NBPF15: variants seen among roughly 807,000 people sequenced by gnomAD.
The protein encoded by NBPF15 is NBPF family member NBPF15.
In NBPF15, 74 loss-of-function variants were observed where a neutral mutation model predicts 62.2. The ratio of observed to expected loss-of-function variants is 1.19; its 90% CI spans 0.99 to 1.44. NBPF15 has a LOEUF of 1.44. Among genes scored for constraint, NBPF15 ranks in the 40% most tolerant of loss-of-function variants. NBPF15 has a pLI of 0.00. For missense variants in NBPF15, 790 were observed against 550.0 expected (o/e 1.44, Z -4.36); for synonymous variants, 244 against 209.7 (o/e 1.16, Z -1.41).
At position 144,422,837 on chromosome 1, in the gene NBPF15, T is replaced by A; in HGVS notation, c.*176A>T. Reference sequence around the variant, plus strand: ...CGTGTCACACCTAACATGGGTCCATTGTCTTCAGATTGAGCACAGGTTGCC... The same window carrying A: ...CGTGTCACACCTAACATGGGTCCATAGTCTTCAGATTGAGCACAGGTTGCC... On this transcript the variant is annotated 3_prime_UTR_variant, in exon 22 of 22. Coordinates refer to ENST00000581897, the MANE Select transcript of NBPF15 (RefSeq NM_001385408.1). The A allele has an allele frequency of 1.3e-6, 2 of 1,503,146 alleles. No homozygotes were observed. The highest frequency in any genetic ancestry group is 1.8e-6 in the Non-Finnish European group (2 of 1,107,694). The allele number at this position is 1,503,146 out of a possible 1,614,324, so 93.1% of individuals were successfully genotyped here.
intron 11 of NBPF15, 117 bp from the exon 12 acceptor site, chr1:144,435,433 T>C: frequency 6.7e-7 from 1 of 1,487,834 alleles, no homozygotes; most frequent in Non-Finnish European, 9.3e-7. Context: ...GAAAGCAAAA[T>C]GGACGTTCCC....
chr1:144,434,093 A>C (rs1315867486), intron 12 of NBPF15, among the ~76,000 whole-genome samples: 12 of 148,276 alleles, frequency 8.1e-5, no homozygotes, highest in African/African-American at 2.1e-4. Flanking sequence ...TTTTTTCCCC[A>C]AAAAAATCTC....
intron 4 of NBPF15, among the ~76,000 whole-genome samples, chr1:144,455,377 A>G (rs1693826438): frequency 6.6e-6 from 1 of 152,006 alleles, no homozygotes; most frequent in South Asian, 2.1e-4. Flanking sequence ...CATTAACAGG[A>G]ACACGCTAAC....
chr1:144,437,222 G>A (rs1168569393), intron 9 of NBPF15, 113 bp from the exon 10 acceptor site: 1 of 1,046,100 alleles, frequency 9.6e-7, no homozygotes, highest in African/African-American at 1.6e-5. Context: ...GAAGCAGAAG[G>A]TCAGCACATG....
In NBPF15 at chr1:144,425,622, T is replaced by C. The variant is rs1265336491; in HGVS notation, c.1439-54A>G. On this transcript the variant is annotated intron_variant, in intron 18 of 21. Coordinates refer to ENST00000581897, the MANE Select transcript of NBPF15 (RefSeq NM_001385408.1). ...AAATAAGCCAATTCACCTACACCCA[T>C]AACAGTCCACTGTCTAATCCCCACA... 5.0e-4 allele frequency: 267 copies of C among 530,574 alleles called. 5 individuals carry two copies. In the East Asian group the frequency reaches 8.1e-3, roughly 16 times the overall value. The allele number at this position is 530,574 out of a possible 1,614,324, so 32.9% of individuals were successfully genotyped here.
chr1:144,457,115 T>A (rs1648514731), intron 3 of NBPF15, among the ~76,000 whole-genome samples: 1 of 151,778 alleles, frequency 6.6e-6, no homozygotes, highest in Non-Finnish European at 1.5e-5. Flanking sequence ...GAATTAGAGG[T>A]TAGTGAGCTA....
chr1:144,444,981 T>C (rs1686235003), intron 6 of NBPF15, among the ~76,000 whole-genome samples: 3 of 151,626 alleles, frequency 2.0e-5, no homozygotes, highest in Admixed American at 6.6e-5. Flanking sequence ...TTTTCATTCC[T>C]ACAAGTATAA....
At chr1:144,430,840 C>T (rs1245726013) in intron 13 of NBPF15, among the ~76,000 whole-genome samples, 3 of 151,990 alleles carry the variant, frequency 2.0e-5, no homozygotes, top group South Asian at 4.2e-4. Context: ...AAAGATTAGA[C>T]GAATGGCTAA....
At position 144,439,994 on chromosome 1, in the gene NBPF15, A is replaced by G. The variant is rs1288463541; in HGVS notation, c.10T>C (p.Ser4Pro). 10 of 1,608,412 alleles carry G rather than the reference A, an allele frequency of 6.2e-6. 1 individual carries two copies. Among genetic ancestry groups the G allele is most frequent in the South Asian group, 1.1e-5 (1 of 90,898 alleles). Residue 4 changes from serine to proline, a missense_variant, in exon 8 of 22, where the codon TCA becomes CCA. Ser to Pro is a moderately conservative substitution (Grantham distance 74, BLOSUM62 -1). Transcript: ENST00000581897. ...TTCTCGCTGGACAAAGGGCCGGCTG[A>G]TACCACCATGCTGACGTTTGTGGCA... Reference protein sequence around the residue: MVVSAGPLSSEKAE... With the variant: MVVPAGPLSSEKAE...
chr1:144,434,500 CAAAAAAAA>C (rs1209074766), intron 12 of NBPF15, among the ~76,000 whole-genome samples: 3 of 61,014 alleles, frequency 4.9e-5, no homozygotes, highest in African/African-American at 2.4e-4. Context: ...GACTCCATCG[CAAAAAAAA>C]AAAAAAAAAA....
intron 3 of NBPF15, among the ~76,000 whole-genome samples, chr1:144,457,360 C>G (rs1476433563): frequency 1.3e-5 from 2 of 151,914 alleles, no homozygotes; most frequent in Non-Finnish European, 2.9e-5. Flanking sequence ...CAGGCTGTCT[C>G]GCTGAGCTTT....
At chr1:144,445,293 T>TAC (rs1686592445) in intron 6 of NBPF15, among the ~76,000 whole-genome samples, 1 of 137,570 alleles carries the variant, frequency 7.3e-6, no homozygotes, top group South Asian at 2.3e-4. Flanking sequence ...TATATATATA[T>TAC]ATATTCCCTA....
intron 14 of NBPF15, among the ~76,000 whole-genome samples, chr1:144,429,118 A>G (rs1247555445): frequency 2.0e-5 from 3 of 151,880 alleles, no homozygotes; most frequent in Non-Finnish European, 4.4e-5. Context: ...AGCATCAGCT[A>G]TTATGGCTTT....
intron 6 of NBPF15, among the ~76,000 whole-genome samples, chr1:144,445,387 G>T (rs1553543803): frequency 7.2e-6 from 1 of 138,862 alleles, no homozygotes; most frequent in Non-Finnish European, 1.6e-5. Flanking sequence ...ACACACGTTT[G>T]TGTGTGTGTG....
chr1:144,441,926 G>A (rs1683172640), intron 6 of NBPF15, among the ~76,000 whole-genome samples: 1 of 148,412 alleles, frequency 6.7e-6, no homozygotes, highest in East Asian at 2.0e-4. Flanking sequence ...GCGGCGGTGC[G>A]AGCATGTTCT....
intron 20 of NBPF15, among the ~76,000 whole-genome samples, chr1:144,424,459 A>C (rs1262789918): frequency 6.6e-6 from 1 of 152,042 alleles, no homozygotes; most frequent in East Asian, 1.9e-4. Flanking sequence ...TGAGAGTAGA[A>C]TCAGAGTGCC....
intron 6 of NBPF15, among the ~76,000 whole-genome samples, chr1:144,440,738 T>G (rs1185192295): frequency 6.7e-6 from 1 of 149,456 alleles, no homozygotes; most frequent in African/African-American, 2.5e-5. Context: ...CTGCAAGCTC[T>G]GCCTCCCAGG....
At chr1:144,455,109 A>AAGGAAGGGAGGG (rs781959237) in intron 4 of NBPF15, among the ~76,000 whole-genome samples, 3 of 137,920 alleles carry the variant, frequency 2.2e-5, no homozygotes, top group East Asian at 2.3e-4. Context: ...GGAAGGAAGG[A>AAGGAAGGGAGGG]AGGAAGGGAG....
intron 21 of NBPF15, 93 bp downstream of exon 21, chr1:144,423,777 G>A (rs1667488963): frequency 7.0e-6 from 5 of 718,174 alleles, no homozygotes; most frequent in Non-Finnish European, 1.0e-5. Flanking sequence ...AGCCTTCGTT[G>A]AAAACATGAC....
Sources: gnomAD v4.1 joint callset for allele counts (sites outside exome capture counted in the v4.1 genomes callset) on GRCh38, gnomAD v4.1.1 for gene constraint, MANE v1.5 for transcripts, NCBI Gene and HGNC (gene_info 2026-07-23, HGNC 2026-07-21) for gene names.